Variants in ITSN2 observed in about 807,000 individuals in gnomAD.
ITSN2 encodes intersectin-2.
In ITSN2, 156 loss-of-function variants were observed where a neutral mutation model predicts 243.7. That is an observed-to-expected ratio of 0.64 (90% CI 0.56 to 0.73). The LOEUF is 0.73. Among genes scored for constraint, ITSN2 ranks in the 30% least tolerant of loss-of-function variants. ITSN2 has a pLI of 0.00. For missense variants in ITSN2, 1,801 were observed against 1,996.1 expected, an observed-to-expected ratio of 0.90 and a Z score of 1.86; for synonymous variants, 703 against 699.9, an observed-to-expected ratio of 1.00 and a Z score of -0.07.
At chr2:24,333,240 G>A (rs943667985) in intron 1 of ITSN2, among the ~76,000 whole-genome samples, 5 of 152,172 alleles carry the variant, frequency 3.3e-5, no homozygotes, top group African/African-American at 1.2e-4. Context: ...CAAACAGCAG[G>A]AGAACTTACT....
At chr2:24,358,025 T>A (rs1688609152) in intron 1 of ITSN2, among the ~76,000 whole-genome samples, 1 of 152,246 alleles carries the variant, frequency 6.6e-6, no homozygotes. Flanking sequence ...ACGATTCTCC[T>A]GCCTCAGCCT....
chr2:24,270,605 T>C, intron 20 of ITSN2, 66 bp downstream of exon 20: 2 of 773,390 alleles, frequency 2.6e-6, no homozygotes, highest in Non-Finnish European at 4.4e-6. Flanking sequence ...TCAACATTAC[T>C]ACAGAAACTA....
chr2:24,253,331 G>GACTGTA (rs1288716777), intron 24 of ITSN2, among the ~76,000 whole-genome samples: 10 of 5,618 alleles, frequency 1.8e-3, no homozygotes, highest in African/African-American at 4.9e-3. Flanking sequence ...AATTCAAAGT[G>GACTGTA]ATTACAAGGT....
intron 29 of ITSN2, among the ~76,000 whole-genome samples, chr2:24,228,641 C>T (rs62139989): frequency 0.019 from 2,928 of 152,168 alleles, 40 homozygotes; most frequent in Non-Finnish European, 0.027. Flanking sequence ...AAGGTAACCA[C>T]TCAAAGAACA....
chr2:24,359,440 T>G (rs1188363130), intron 1 of ITSN2, among the ~76,000 whole-genome samples: 1 of 152,230 alleles, frequency 6.6e-6, no homozygotes, highest in Non-Finnish European at 1.5e-5. Context: ...GTAAAGGGGT[T>G]GGCTCCATCA....
intron 15 of ITSN2, among the ~76,000 whole-genome samples, chr2:24,289,420 A>G (rs1679952710): frequency 6.6e-6 from 1 of 152,154 alleles, no homozygotes; most frequent in Non-Finnish European, 1.5e-5. Context: ...TTATTGGTGT[A>G]AAAAATGCAA....
At position 24,254,398 on chromosome 2, in the gene ITSN2, T is replaced by C. The variant is rs757685193; in HGVS notation, c.2922A>G (p.Lys974=). 5.0e-6 allele frequency: 8 copies of C among 1,612,616 alleles called. No homozygotes were observed. In the South Asian group the frequency reaches 6.6e-5, roughly 13 times the overall value. Residue 974 remains lysine (K), a synonymous_variant, in exon 24 of 40, where the codon AAA becomes AAG. Coordinates refer to ENST00000355123, the MANE Select transcript of ITSN2 (RefSeq NM_006277.3). The part of the protein sequence containing the change: ...PEALYAAVNK[K]PTSAAYSVGE... The stretch of plus-strand genomic sequence containing the variant: ...CAACTGAATAGGCTGCCGAGGTAGG[T>C]TTCTTATTTACAGCTGCATACAAAG...
chr2:24,233,169 A>AT (rs1227052949), intron 29 of ITSN2, among the ~76,000 whole-genome samples: 1 of 151,950 alleles, frequency 6.6e-6, no homozygotes, highest in Non-Finnish European at 1.5e-5. Flanking sequence ...GCACATATAT[A>AT]TTTTTTCTTA....
intron 14 of ITSN2, among the ~76,000 whole-genome samples, chr2:24,295,175 A>G (rs1363364621): frequency 6.6e-6 from 1 of 152,200 alleles, no homozygotes; most frequent in Non-Finnish European, 1.5e-5. Context: ...ACTTAACCAG[A>G]CGTCTAGCAG....
chr2:24,310,404 G>C, intron 6 of ITSN2, 24 bp from the exon 7 acceptor site: 1 of 1,608,652 alleles, frequency 6.2e-7, no homozygotes, highest in Non-Finnish European at 8.5e-7. Context: ...AGAAGGAAAA[G>C]TATGAAAGAA....
intron 1 of ITSN2, among the ~76,000 whole-genome samples, chr2:24,332,501 C>T (rs1685903430): frequency 6.6e-6 from 1 of 152,070 alleles, no homozygotes; most frequent in Non-Finnish European, 1.5e-5. Flanking sequence ...ACTAGTATTA[C>T]AGAATCTTTA....
intron 9 of ITSN2, among the ~76,000 whole-genome samples, chr2:24,302,693 G>A (rs1216126588): frequency 3.3e-5 from 5 of 152,258 alleles, no homozygotes; most frequent in African/African-American, 1.2e-4. Flanking sequence ...GAAACAGAAA[G>A]AGAAGTAACT....
At chr2:24,239,156 A>G (rs1013836788) in intron 29 of ITSN2, 10 of 152,556 alleles carry the variant, frequency 6.6e-5, no homozygotes, top group Non-Finnish European at 1.2e-4. Context: ...GCAGCATTCA[A>G]TAATGCCACT....
intron 7 of ITSN2, chr2:24,309,078 A>C (rs578209079): frequency 4.3e-6 from 1 of 232,492 alleles, no homozygotes; most frequent in Admixed American, 4.6e-5. Flanking sequence ...GAGATGTAAC[A>C]GTTTCATCCT....
intron 1 of ITSN2, among the ~76,000 whole-genome samples, chr2:24,347,701 A>G (rs1226662421): frequency 7.2e-6 from 1 of 139,670 alleles, no homozygotes; most frequent in East Asian, 2.1e-4. Flanking sequence ...AAAAAATTGT[A>G]GAATATGAAT....
intron 17 of ITSN2, among the ~76,000 whole-genome samples, chr2:24,282,208 C>A (rs997209902): frequency 2.6e-5 from 4 of 152,176 alleles, no homozygotes; most frequent in African/African-American, 9.7e-5. Flanking sequence ...GTCATGAGGA[C>A]CACATCGGCA....
At position 24,210,887 on chromosome 2, in the gene ITSN2, G is replaced by A. The variant is rs762729827; in HGVS notation, c.4150C>T (p.Arg1384Trp). ...DHSSLKLALE[R>W]AEELCSQVNE... ...ACTTGAGAGCACAGCTCCTCTGCCC[G>A]CTCGAGGGCCAGCTTTAGGGAGGAA... The change falls in exon 34 of 40, where the codon CGG (arginine) becomes TGG (tryptophan). Residue 1384 changes from arginine to tryptophan, a missense_variant. Coordinates refer to ENST00000355123, the MANE Select transcript of ITSN2 (RefSeq NM_006277.3). 34 of 1,613,998 alleles carry A rather than the reference G, an allele frequency of 2.1e-5. No homozygotes were observed. Among genetic ancestry groups the A allele is most frequent in the African/African-American group, 4.0e-5 (3 of 74,898 alleles).
At chr2:24,303,686 C>CTCT in intron 9 of ITSN2, 113 bp downstream of exon 9, 1 of 747,554 alleles carries the variant, frequency 1.3e-6, no homozygotes, top group Admixed American at 2.1e-5. Flanking sequence ...TATAGAGCAT[C>CTCT]TCTGAGTCAC....
At chr2:24,335,909 G>C (rs1300824756) in intron 1 of ITSN2, among the ~76,000 whole-genome samples, 1 of 151,764 alleles carries the variant, frequency 6.6e-6, no homozygotes, top group African/African-American at 2.4e-5. Flanking sequence ...TGGGATTACA[G>C]GCGTGAGCAA....
Sources: gnomAD v4.1 joint callset for allele counts (sites outside exome capture counted in the v4.1 genomes callset) on GRCh38, gnomAD v4.1.1 for gene constraint, MANE v1.5 for transcripts, NCBI Gene and HGNC (gene_info 2026-07-23, HGNC 2026-07-21) for gene names.